The following NUBPL variants were observed in gnomAD, a reference collection of about 807,000 sequenced individuals.
NUBPL encodes iron-sulfur cluster transfer protein NUBPL.
NUBPL carries 31 observed loss-of-function variants against 45.7 expected under a neutral mutation model. The ratio of observed to expected loss-of-function variants is 0.68; its 90% confidence interval spans 0.51 to 0.92. The LOEUF is 0.92. NUBPL is among the 40% of genes least tolerant of loss of function. The pLI, the probability that NUBPL is intolerant of heterozygous loss-of-function variation, is 0.00. For missense variants in NUBPL, 401 were observed against 398.7 expected (o/e 1.01, Z -0.05); for synonymous variants, 144 against 140.9 (o/e 1.02, Z -0.15).
intron 6 of NUBPL, among the ~76,000 whole-genome samples, chr14:31,764,722 A>C (rs2038879901): frequency 1.3e-5 from 2 of 152,170 alleles, no homozygotes; most frequent in Admixed American, 1.3e-4. Flanking sequence ...TGGTCTTTTA[A>C]TGAGATGCAT....
chr14:31,725,837 G>A (rs2037911239), intron 6 of NUBPL, among the ~76,000 whole-genome samples: 1 of 147,056 alleles, frequency 6.8e-6, no homozygotes, highest in Non-Finnish European at 1.5e-5. Context: ...AGCCTCCCAA[G>A]TAGCTGGGAT....
intron 7 of NUBPL, among the ~76,000 whole-genome samples, chr14:31,816,722 T>C (rs888170591): frequency 2.0e-5 from 3 of 152,116 alleles, no homozygotes; most frequent in Non-Finnish European, 4.4e-5. Context: ...AGATTCTGGT[T>C]TGTCGTCTCT....
chr14:31,582,167 A>G (rs2033880076), intron 3 of NUBPL, among the ~76,000 whole-genome samples: 1 of 152,240 alleles, frequency 6.6e-6, no homozygotes, highest in Admixed American at 6.5e-5. Context: ...TCACACATAT[A>G]AATTTTATCA....
chr14:31,676,681 C>CAATATATTGAT (rs2036707327), intron 6 of NUBPL, among the ~76,000 whole-genome samples: 1 of 151,214 alleles, frequency 6.6e-6, no homozygotes, highest in Non-Finnish European at 1.5e-5. Flanking sequence ...AATATTGAGC[C>CAATATATTGAT]CTTTTCCACA....
intron 7 of NUBPL, among the ~76,000 whole-genome samples, chr14:31,812,696 G>T (rs888738401): frequency 6.6e-6 from 1 of 152,206 alleles, no homozygotes; most frequent in African/African-American, 2.4e-5. Flanking sequence ...TGGAAATGCA[G>T]AAATCACCCA....
At chr14:31,845,601 C>T (rs768635912) in intron 8 of NUBPL, 6 of 152,650 alleles carry the variant, frequency 3.9e-5, no homozygotes, top group Non-Finnish European at 5.8e-5. Context: ...GTGGAGGTTG[C>T]GGTGAGCCGA....
At chr14:31,757,849 C>A (rs1328419987) in intron 6 of NUBPL, among the ~76,000 whole-genome samples, 1 of 152,064 alleles carries the variant, frequency 6.6e-6, no homozygotes, top group Non-Finnish European at 1.5e-5. Context: ...CCTCTACTTA[C>A]CTCATCTCTA....
chr14:31,650,233 G>A (rs1376159125), intron 4 of NUBPL, among the ~76,000 whole-genome samples: 1 of 151,736 alleles, frequency 6.6e-6, no homozygotes, highest in Non-Finnish European at 1.5e-5. Context: ...AATTGCATAT[G>A]TGTGTAAAGA....
At chr14:31,770,924 T>G (rs1163223060) in intron 6 of NUBPL, among the ~76,000 whole-genome samples, 1 of 152,222 alleles carries the variant, frequency 6.6e-6, no homozygotes, top group Non-Finnish European at 1.5e-5. Flanking sequence ...GATTTCTTAT[T>G]TGCTATGATT....
At chr14:31,729,288 C>T (rs1219627848) in intron 6 of NUBPL, among the ~76,000 whole-genome samples, 1 of 132,696 alleles carries the variant, frequency 7.5e-6, no homozygotes, top group African/African-American at 3.0e-5. Context: ...CCCCCCCCCC[C>T]AAAAAAAAAG....
intron 4 of NUBPL, chr14:31,653,955 G>A: frequency 3.1e-6 from 1 of 322,332 alleles, no homozygotes; most frequent in East Asian, 7.7e-5. Flanking sequence ...CACAACAATT[G>A]TGTGGTTAGT....
At chr14:31,652,654 T>G (rs1490771549) in intron 4 of NUBPL, among the ~76,000 whole-genome samples, 1 of 152,164 alleles carries the variant, frequency 6.6e-6, no homozygotes, top group Non-Finnish European at 1.5e-5. Flanking sequence ...TGCCCTGATT[T>G]TAAAGACATC....
At chr14:31,724,798 C>T (rs567237604) in intron 6 of NUBPL, among the ~76,000 whole-genome samples, 27 of 152,002 alleles carry the variant, frequency 1.8e-4, no homozygotes, top group African/African-American at 6.5e-4. Context: ...AAATGAAAAC[C>T]GTATAGTATA....
chr14:31,605,028 A>G (rs571709233), intron 4 of NUBPL, among the ~76,000 whole-genome samples: 7 of 152,220 alleles, frequency 4.6e-5, no homozygotes, highest in Non-Finnish European at 7.4e-5. Context: ...AGCTAGTGGG[A>G]TTTAGAATAA....
At chr14:31,662,394 C>T (rs1312534037) in intron 4 of NUBPL, among the ~76,000 whole-genome samples, 1 of 151,978 alleles carries the variant, frequency 6.6e-6, no homozygotes, top group Non-Finnish European at 1.5e-5. Context: ...CGGTTTGCTG[C>T]ATCTGTCAAC....
chr14:31,672,273 ATGTGTGTGTGTGTGTG>A (rs3035682), intron 4 of NUBPL, among the ~76,000 whole-genome samples: 1 of 148,108 alleles, frequency 6.8e-6, no homozygotes, highest in Non-Finnish European at 1.5e-5. Context: ...CTGATTAGAT[ATGTGTGTGTGTGTGTG>A]TGTGTGTGTG....
In NUBPL at chr14:31,826,717, A is replaced by G. The variant is rs1169723191; in HGVS notation, c.693+3A>G. The G allele has an allele frequency of 6.2e-7, 1 of 1,612,754 alleles. No individual in the cohort carries two copies. Among genetic ancestry groups the G allele is most frequent in the African/African-American group, 1.3e-5 (1 of 75,024 alleles). On this transcript the variant is annotated splice_donor_region_variant and intron_variant, in intron 8 of 10. Transcript: ENST00000281081. ...TGTTTCGCAGAGTCCACGTGCCCGT[A>G]AGCGTTTACAGCTTCACTGTGAAAA...
intron 4 of NUBPL, among the ~76,000 whole-genome samples, chr14:31,654,993 A>G (rs1027735252): frequency 8.6e-5 from 13 of 152,004 alleles, no homozygotes; most frequent in African/African-American, 3.1e-4. Flanking sequence ...ATAAAAAGCA[A>G]CTCCTTATCT....
chr14:31,600,435 G>A (rs185103619), intron 4 of NUBPL, among the ~76,000 whole-genome samples: 1 of 152,256 alleles, frequency 6.6e-6, no homozygotes, highest in East Asian at 1.9e-4. Context: ...TTCATCTAAT[G>A]TGCATAGCTT....
Sources: gnomAD v4.1 joint callset for allele counts (sites outside exome capture counted in the v4.1 genomes callset) on GRCh38, gnomAD v4.1.1 for gene constraint, MANE v1.5 for transcripts, NCBI Gene and HGNC (gene_info 2026-07-23, HGNC 2026-07-21) for gene names.